Variants in MAPKAP1 observed in about 807,000 individuals in gnomAD.
MAPKAP1 encodes the protein target of rapamycin complex 2 subunit MAPKAP1.
Under a neutral mutation model 65.7 loss-of-function variants are expected in MAPKAP1, and 20 were observed. That is an observed-to-expected ratio of 0.30 (90% confidence interval 0.21 to 0.44). The LOEUF (loss-of-function observed/expected upper bound fraction) is 0.44, where lower values mean the gene tolerates loss of function less well. Among genes scored for constraint, MAPKAP1 ranks in the 20% least tolerant of loss-of-function variants. The pLI is 1.00. For missense variants in MAPKAP1, 423 were observed against 648.0 expected (o/e 0.65, Z 3.77); for synonymous variants, 222 against 244.3 (o/e 0.91, Z 0.85).
intron 7 of MAPKAP1, among the ~76,000 whole-genome samples, chr9:125,509,283 T>C (rs1660093728): frequency 1.0e-4 from 1 of 9,588 alleles, no homozygotes; most frequent in African/African-American, 1.3e-3. Flanking sequence ...AAGGTAAATC[T>C]AAGCAAAAAA....
chr9:125,494,307 C>T lies in MAPKAP1; in HGVS notation c.1067-9724G>A, dbSNP rs1225267680. Among the ~76,000 whole-genome samples the T allele has an allele frequency of 3.9e-5, 6 of 152,088 alleles. No individual in the cohort carries two copies. The East Asian group carries it at 7.7e-4, about 20-fold the overall frequency. ...ACTAAAACACACACACACGTTCATG[C>T]CCCCCGCCTGCCCACCGCTCTGCAG... On this transcript the variant is annotated intron_variant, in intron 8 of 11. Coordinates refer to ENST00000265960, the MANE Select transcript of MAPKAP1 (RefSeq NM_001006617.3).
At chr9:125,665,913 CT>C (rs1302239716) in intron 3 of MAPKAP1, among the ~76,000 whole-genome samples, 3 of 152,134 alleles carry the variant, frequency 2.0e-5, no homozygotes, top group African/African-American at 7.2e-5. Flanking sequence ...CATAAGAAGC[CT>C]TATTTGCCTA....
chr9:125,552,058 C>G (rs1163171387), intron 6 of MAPKAP1, among the ~76,000 whole-genome samples: 1 of 152,216 alleles, frequency 6.6e-6, no homozygotes, highest in Non-Finnish European at 1.5e-5. Flanking sequence ...CTTCTCCTCT[C>G]TGACACTACT....
At chr9:125,578,272 T>C (rs1831509991) in intron 5 of MAPKAP1, among the ~76,000 whole-genome samples, 1 of 152,030 alleles carries the variant, frequency 6.6e-6, no homozygotes, top group African/African-American at 2.4e-5. Flanking sequence ...TAATCTCAAG[T>C]ACCCAGGGAC....
intron 4 of MAPKAP1, among the ~76,000 whole-genome samples, chr9:125,608,243 C>T (rs963706250): frequency 6.6e-6 from 1 of 152,186 alleles, no homozygotes; most frequent in East Asian, 1.9e-4. Context: ...ACAGTCAAGC[C>T]TTTTCACAAT....
intron 4 of MAPKAP1, among the ~76,000 whole-genome samples, chr9:125,657,334 T>C (rs1018576445): frequency 6.6e-6 from 1 of 151,884 alleles, no homozygotes; most frequent in South Asian, 2.1e-4. Context: ...TACATATATA[T>C]ACACACACAT....
intron 5 of MAPKAP1, among the ~76,000 whole-genome samples, chr9:125,566,817 T>C (rs1051382779): frequency 6.6e-6 from 1 of 152,162 alleles, no homozygotes; most frequent in African/African-American, 2.4e-5. Flanking sequence ...CGTAGATGAC[T>C]CCTAAATTCA....
chr9:125,533,093 A>T (rs1829978454), intron 7 of MAPKAP1, among the ~76,000 whole-genome samples: 1 of 152,122 alleles, frequency 6.6e-6, no homozygotes, highest in South Asian at 2.1e-4. Context: ...GTGTGTGTGT[A>T]TGTGTACGCA....
At chr9:125,622,964 A>G (rs1487344994) in intron 4 of MAPKAP1, among the ~76,000 whole-genome samples, 8 of 151,664 alleles carry the variant, frequency 5.3e-5, no homozygotes. Flanking sequence ...GCGCCGCCAC[A>G]CCTGATTGGT....
At chr9:125,641,150 G>T (rs181259956) in intron 4 of MAPKAP1, among the ~76,000 whole-genome samples, 10 of 152,264 alleles carry the variant, frequency 6.6e-5, no homozygotes, top group Non-Finnish European at 1.3e-4. Flanking sequence ...CAAGCATTTG[G>T]TCAACAGTAA....
At chr9:125,493,374 G>C (rs534545318) in intron 8 of MAPKAP1, among the ~76,000 whole-genome samples, 70 of 152,312 alleles carry the variant, frequency 4.6e-4, no homozygotes, top group African/African-American at 1.7e-3. Flanking sequence ...CTCTCCTAAA[G>C]CATTATAGCC....
At chr9:125,578,311 T>C (rs1211865728) in intron 5 of MAPKAP1, among the ~76,000 whole-genome samples, 6 of 151,996 alleles carry the variant, frequency 3.9e-5, no homozygotes, top group Non-Finnish European at 8.8e-5. Flanking sequence ...CGCAGGGTCC[T>C]CTGCCTAGGA....
intron 7 of MAPKAP1, among the ~76,000 whole-genome samples, chr9:125,511,099 G>T (rs774920324): frequency 1.6e-4 from 25 of 152,176 alleles, no homozygotes; most frequent in Non-Finnish European, 2.6e-4. Flanking sequence ...ACTAATAGTT[G>T]TAAGGCAGTT....
At chr9:125,671,785 C>T (rs911238233) in intron 2 of MAPKAP1, among the ~76,000 whole-genome samples, 1 of 152,016 alleles carries the variant, frequency 6.6e-6, no homozygotes, top group African/African-American at 2.4e-5. Context: ...AAACAGGGGC[C>T]CCTTTTCTAA....
chr9:125,587,723 TAAG>T (rs1473360528), intron 4 of MAPKAP1, among the ~76,000 whole-genome samples: 2 of 152,106 alleles, frequency 1.3e-5, no homozygotes, highest in African/African-American at 4.8e-5. Flanking sequence ...TATAATTCAA[TAAG>T]AAGACAAAAT....
chr9:125,649,894 T>A (rs1385264829), intron 4 of MAPKAP1, among the ~76,000 whole-genome samples: 1 of 152,152 alleles, frequency 6.6e-6, no homozygotes, highest in Non-Finnish European at 1.5e-5. Context: ...TGGGCTGTCA[T>A]TTGATTTCTC....
intron 6 of MAPKAP1, among the ~76,000 whole-genome samples, chr9:125,547,832 T>C (rs1333312405): frequency 1.3e-5 from 2 of 152,248 alleles, no homozygotes; most frequent in Admixed American, 1.3e-4. Context: ...TTTTCAAAAC[T>C]TTCCTTTTTG....
At chr9:125,644,156 T>C (rs1251337572) in intron 4 of MAPKAP1, among the ~76,000 whole-genome samples, 3 of 152,216 alleles carry the variant, frequency 2.0e-5, no homozygotes, top group South Asian at 2.1e-4. Context: ...CTTAGAAGGA[T>C]AGGTTTCAGG....
intron 6 of MAPKAP1, among the ~76,000 whole-genome samples, chr9:125,548,770 G>A (rs977453049): frequency 6.6e-6 from 1 of 152,202 alleles, no homozygotes; most frequent in Admixed American, 6.5e-5. Context: ...AATATATAAT[G>A]ATGAGACAAT....
Sources: gnomAD v4.1 joint callset for allele counts (sites outside exome capture counted in the v4.1 genomes callset) on GRCh38, gnomAD v4.1.1 for gene constraint, MANE v1.5 for transcripts, NCBI Gene and HGNC (gene_info 2026-07-23, HGNC 2026-07-21) for gene names.